The following DHX15 variants were observed in gnomAD, a reference collection of about 807,000 sequenced individuals.
The protein encoded by DHX15 is ATP-dependent RNA helicase DHX15.
Under a neutral mutation model 94.4 loss-of-function variants are expected in DHX15, and 11 were observed. The observed-to-expected ratio is 0.12, with a 90% CI of 0.07 to 0.19. The LOEUF is 0.19. Ranked by LOEUF, DHX15 falls within the 10% of genes least tolerant of loss-of-function variation. The pLI, the probability that DHX15 is intolerant of heterozygous loss-of-function variation, is 1.00. For missense variants in DHX15, 304 were observed against 988.5 expected, an observed-to-expected ratio of 0.31 and a Z score of 9.29; for synonymous variants, 338 against 329.9, an observed-to-expected ratio of 1.02 and a Z score of -0.27.
intron 2 of DHX15, among the ~76,000 whole-genome samples, chr4:24,572,935 G>T (rs927924083): frequency 6.6e-6 from 1 of 152,152 alleles, no homozygotes; most frequent in Non-Finnish European, 1.5e-5. Flanking sequence ...TTTTAAGACG[G>T]AGTTTCACTC....
At chr4:24,535,087 AACC>A (rs1353224441) in intron 11 of DHX15, among the ~76,000 whole-genome samples, 1 of 152,050 alleles carries the variant, frequency 6.6e-6, no homozygotes, top group African/African-American at 2.4e-5. Flanking sequence ...AACCCCTAAA[AACC>A]ACCAATGGCT....
chr4:24,544,863 A>C (rs770668329), intron 6 of DHX15, among the ~76,000 whole-genome samples: 1 of 152,192 alleles, frequency 6.6e-6, no homozygotes, highest in Non-Finnish European at 1.5e-5. Flanking sequence ...CCGTAATCCC[A>C]GCACTTAAAA....
chr4:24,534,923 T>A (rs909636646), intron 11 of DHX15, among the ~76,000 whole-genome samples: 2 of 150,922 alleles, frequency 1.3e-5, no homozygotes, highest in Non-Finnish European at 3.0e-5. Flanking sequence ...TATATCGAAA[T>A]AATAACACGT....
chr4:24,570,827 C>T lies in DHX15; in HGVS notation c.528G>A (p.Glu176=), dbSNP rs775278894. Residue 176 remains glutamate, a synonymous_variant, in exon 3 of 14, where the codon GAG becomes GAA. Transcript: ENST00000336812. The part of the protein sequence containing the change: ...KTTQIPQWCV[E]YMRSLPGPKR... The stretch of plus-strand genomic sequence containing the variant: ...TGGGTCCTGGTAATGATCGCATGTA[C>T]TCCACACACCACTGTGGAATCTATC... 1.5e-5 allele frequency: 25 copies of T among 1,614,142 alleles called. No homozygotes were observed. Among genetic ancestry groups the T allele is most frequent in the Non-Finnish European group, 2.1e-5 (25 of 1,180,008 alleles).
chr4:24,550,697 C>G (rs1392481799), intron 5 of DHX15, among the ~76,000 whole-genome samples: 2 of 152,162 alleles, frequency 1.3e-5, no homozygotes, highest in South Asian at 4.1e-4. Flanking sequence ...TCCTAGAACA[C>G]CTCCTGAAGG....
chr4:24,557,237 A>C (rs1257184640), intron 3 of DHX15, among the ~76,000 whole-genome samples: 1 of 152,168 alleles, frequency 6.6e-6, no homozygotes, highest in African/African-American at 2.4e-5. Flanking sequence ...CTGGTTACTG[A>C]TGTCACTATG....
intron 1 of DHX15, among the ~76,000 whole-genome samples, chr4:24,579,126 G>GTC (rs1722348572): frequency 6.6e-6 from 1 of 152,196 alleles, no homozygotes; most frequent in Non-Finnish European, 1.5e-5. Flanking sequence ...GACAGCTGTG[G>GTC]TATTAAGATA....
At chr4:24,556,983 C>A (rs190647666) in intron 3 of DHX15, among the ~76,000 whole-genome samples, 1 of 152,020 alleles carries the variant, frequency 6.6e-6, no homozygotes, top group African/African-American at 2.4e-5. Flanking sequence ...AGAAGTGGGA[C>A]TGAGGGGCAG....
At chr4:24,560,839 T>C (rs1721858564) in intron 3 of DHX15, among the ~76,000 whole-genome samples, 1 of 152,188 alleles carries the variant, frequency 6.6e-6, no homozygotes, top group Non-Finnish European at 1.5e-5. Flanking sequence ...TATACAAAAA[T>C]GTTCAATTTC....
Position 24,540,868 on chromosome 4 carries a change from C to T in DHX15, c.1566G>A (p.Leu522=), listed in dbSNP as rs1483447114. ...LQLKKLGIDD[L]VHFDFMDPPA... is the part of the protein sequence containing the mutation. Reference sequence around the variant, plus strand: ...GTGGATCCATAAAATCAAAATGTACCAAGTCATCAATACCAAGTTTCTTCA... The same window carrying T: ...GTGGATCCATAAAATCAAAATGTACTAAGTCATCAATACCAAGTTTCTTCA... The change falls in exon 9 of 14, where the codon TTG becomes TTA. Residue 522 remains leucine, a synonymous_variant. Coordinates refer to ENST00000336812, the MANE Select transcript of DHX15 (RefSeq NM_001358.3). 19 of 1,603,244 alleles carry T rather than the reference C, an allele frequency of 1.2e-5. No individual in the cohort carries two copies. Among genetic ancestry groups the T allele is most frequent in the Admixed American group, 1.7e-5 (1 of 59,316 alleles).
chr4:24,542,043 CAA>C, intron 7 of DHX15, 21 bp from the exon 8 acceptor site: 2 of 1,563,530 alleles, frequency 1.3e-6, no homozygotes, highest in South Asian at 1.2e-5. Context: ...TGAAATAACA[CAA>C]GAGTCTTTCT....
chr4:24,550,276 G>A (rs1054125889), intron 5 of DHX15, among the ~76,000 whole-genome samples: 9 of 151,680 alleles, frequency 5.9e-5, no homozygotes, highest in South Asian at 2.1e-4. Flanking sequence ...ACATTTTGGC[G>A]ATACAAAATT....
intron 3 of DHX15, among the ~76,000 whole-genome samples, chr4:24,563,027 G>A (rs1031336374): frequency 3.9e-5 from 6 of 152,024 alleles, no homozygotes; most frequent in African/African-American, 1.2e-4. Flanking sequence ...ACAAAATGGT[G>A]TTGATTAATG....
chr4:24,537,212 A>G lies in DHX15; in HGVS notation c.1787-39T>C. 2.5e-6 allele frequency: 4 copies of G among 1,612,182 alleles called. No individual in the cohort carries two copies. Among genetic ancestry groups the G allele is most frequent in the Non-Finnish European group, 3.4e-6 (4 of 1,178,924 alleles). The stretch of plus-strand genomic sequence containing the variant: ...GTATGGGCCCAACACAAACGCCCAT[A>G]TCGATGAGTCACGCATTCACAGATA... On this transcript the variant is annotated intron_variant, in intron 10 of 13. Coordinates refer to ENST00000336812, the MANE Select transcript of DHX15 (RefSeq NM_001358.3). The surrounding 1 kb of genome is among the most constrained non-coding windows in gnomAD (Gnocchi z 4.7).
intron 3 of DHX15, among the ~76,000 whole-genome samples, chr4:24,556,692 T>C (rs750614248): frequency 6.6e-6 from 1 of 152,196 alleles, no homozygotes; most frequent in Non-Finnish European, 1.5e-5. Flanking sequence ...AATGATCACA[T>C]GGTTTCACAT....
chr4:24,574,969 GT>G (rs1450000969), intron 2 of DHX15, among the ~76,000 whole-genome samples: 1 of 151,976 alleles, frequency 6.6e-6, no homozygotes, highest in Non-Finnish European at 1.5e-5. Flanking sequence ...TAGCTCAGGA[GT>G]TCAAAACCTC....
chr4:24,548,810 A>C (rs1277240044), intron 6 of DHX15, 45 bp downstream of exon 6: 9 of 1,556,534 alleles, frequency 5.8e-6, no homozygotes, highest in Non-Finnish European at 7.9e-6. Flanking sequence ...ATATCTCATA[A>C]ATCATTATTA....
chr4:24,549,186 G>A (rs775653527), intron 5 of DHX15, among the ~76,000 whole-genome samples, 164 bp from the exon 6 acceptor site: 3 of 152,074 alleles, frequency 2.0e-5, no homozygotes, highest in Non-Finnish European at 4.4e-5. Context: ...ATTTCAATGG[G>A]ATTTCCAAAA....
chr4:24,550,184 A>C (rs1721562649), intron 5 of DHX15, among the ~76,000 whole-genome samples: 1 of 150,838 alleles, frequency 6.6e-6, no homozygotes, highest in African/African-American at 2.4e-5. Context: ...CAGGACTGAA[A>C]GTTGCTGTGA....
Sources: allele counts gnomAD v4.1 joint callset (sites outside exome capture counted in the v4.1 genomes callset), GRCh38; gene constraint gnomAD v4.1.1; non-coding constraint Gnocchi (gnomAD v3.1); transcripts MANE v1.5; gene names NCBI Gene and HGNC (gene_info 2026-07-23, HGNC 2026-07-21).